The following SCARB2 variants were observed in gnomAD, a reference collection of about 807,000 sequenced individuals.
SCARB2 encodes the protein scavenger receptor class B member 2.
SCARB2 carries 29 observed loss-of-function variants against 58.6 expected under a neutral mutation model. The ratio of observed to expected loss-of-function variants is 0.49; its 90% CI spans 0.37 to 0.67. The LOEUF (loss-of-function observed/expected upper bound fraction) is 0.67, where lower values mean the gene tolerates loss of function less well. SCARB2 is among the 30% of genes least tolerant of loss of function. The probability of loss-of-function intolerance (pLI) is 0.00; values close to 1 mark genes in which losing one functional copy is unlikely to be tolerated. For missense variants in SCARB2, 488 were observed against 578.5 expected, an observed-to-expected ratio of 0.84 and a Z score of 1.60; for synonymous variants, 195 against 210.1, an observed-to-expected ratio of 0.93 and a Z score of 0.62.
chr4:76,161,760 C>T lies in SCARB2; in HGVS notation c.1399-9G>A. The T allele has an allele frequency of 3.1e-6, 5 of 1,614,076 alleles. No individual in the cohort carries two copies. Among genetic ancestry groups the T allele is most frequent in the Admixed American group, 1.7e-5 (1 of 60,020 alleles). Reference sequence around the variant, plus strand: ...CTTTCATCCGCTGTTCCCTGAAACACAGAAGAGAGAAAACAAGTTAGATGT... The same window carrying T: ...CTTTCATCCGCTGTTCCCTGAAACATAGAAGAGAGAAAACAAGTTAGATGT... On this transcript the variant is annotated splice_polypyrimidine_tract_variant and intron_variant, in intron 11 of 11. Transcript: ENST00000264896.
chr4:76,203,976 G>C (rs1206149674), intron 1 of SCARB2, among the ~76,000 whole-genome samples: 1 of 152,228 alleles, frequency 6.6e-6, no homozygotes, highest in Non-Finnish European at 1.5e-5. Context: ...TCAGTAAAGT[G>C]CTACTTCATA....
At chr4:76,170,466 C>T (rs751756585) in intron 7 of SCARB2, among the ~76,000 whole-genome samples, 8 of 152,166 alleles carry the variant, frequency 5.3e-5, no homozygotes, top group East Asian at 1.9e-4. Context: ...GTTTCAACTA[C>T]AATTCTCTAT....
At chr4:76,211,790 C>A (rs1733052684) in intron 1 of SCARB2, among the ~76,000 whole-genome samples, 1 of 152,300 alleles carries the variant, frequency 6.6e-6, no homozygotes, top group East Asian at 1.9e-4. Context: ...CCACACCTGC[C>A]CACTGAAACT....
upstream of SCARB2, chr4:76,214,223 C>T (rs1279196526): frequency 4.4e-6 from 2 of 454,576 alleles, no homozygotes; most frequent in Non-Finnish European, 8.8e-6. Flanking sequence ...ACACCGTTAC[C>T]GCAATTACAA....
Position 76,213,760 on chromosome 4 carries a change from C to G in SCARB2, c.-217G>C, listed in dbSNP as rs1189089079. ...GGATGGGGCCGCGGAGGGACGGGCC[C>G]GGACTCGGTTTCGGTTTCCTTCGCC... On this transcript the variant is annotated 5_prime_UTR_variant, in exon 1 of 12. Transcript: ENST00000264896. 3.8e-5 allele frequency: 17 copies of G among 447,018 alleles called. No homozygotes were observed. The highest frequency in any genetic ancestry group is 7.9e-6 in the Non-Finnish European group (2 of 254,728). The allele number at this position is 447,018 out of a possible 1,614,324, so 27.7% of individuals were successfully genotyped here.
rs9997302 is a variant in SCARB2, at chr4:76,210,223, G to A, written c.117+3204C>T. Among the ~76,000 whole-genome samples the A allele has an allele frequency of 6.5e-3, 989 of 152,058 alleles. 7 individuals carry two copies. The highest frequency in any genetic ancestry group is 0.022 in the African/African-American group (929 of 41,472). On this transcript the variant is annotated intron_variant, in intron 1 of 11. Coordinates refer to ENST00000264896, the MANE Select transcript of SCARB2 (RefSeq NM_005506.4). ...TGAGTTAAGTATTCTTATCCTTATT[G>A]TTCCTATTTTCAAAATGAGGATCCT...
At chr4:76,188,482 T>C (rs1732532637) in intron 2 of SCARB2, among the ~76,000 whole-genome samples, 3 of 149,498 alleles carry the variant, frequency 2.0e-5, no homozygotes, top group Middle Eastern at 3.2e-3. Context: ...AAATCCTGTG[T>C]CAGATGAGTT....
intron 2 of SCARB2, chr4:76,193,705 C>T (rs1010911206): frequency 6.6e-6 from 1 of 152,180 alleles, no homozygotes; most frequent in Non-Finnish European, 1.5e-5. Flanking sequence ...TGCTGATACA[C>T]CCATTGTATC....
chr4:76,200,885 T>C (rs891517767), intron 1 of SCARB2, among the ~76,000 whole-genome samples: 2 of 152,188 alleles, frequency 1.3e-5, no homozygotes, highest in Non-Finnish European at 2.9e-5. Flanking sequence ...GTGACAATAC[T>C]GTATGTAGGC....
chr4:76,225,742 T>C (rs1733386555), intron 1 of SCARB2, among the ~76,000 whole-genome samples: 1 of 152,262 alleles, frequency 6.6e-6, no homozygotes, highest in Non-Finnish European at 1.5e-5. Flanking sequence ...GAAACTCACT[T>C]GATCATGGCA....
intron 1 of SCARB2, among the ~76,000 whole-genome samples, chr4:76,209,431 C>G (rs1732995214): frequency 6.6e-6 from 1 of 151,978 alleles, no homozygotes; most frequent in African/African-American, 2.4e-5. Flanking sequence ...TTCAAGGGAG[C>G]CATCTTGGCT....
At chr4:76,203,931 C>T (rs1172781561) in intron 1 of SCARB2, among the ~76,000 whole-genome samples, 16 of 152,184 alleles carry the variant, frequency 1.1e-4, no homozygotes, top group Admixed American at 9.2e-4. Context: ...AGGAAAGTTT[C>T]GGGATTCGAG....
intron 1 of SCARB2, among the ~76,000 whole-genome samples, chr4:76,220,865 T>C (rs1350002160): frequency 6.6e-6 from 1 of 152,218 alleles, no homozygotes; most frequent in Non-Finnish European, 1.5e-5. Flanking sequence ...CAAGAATGCT[T>C]CCAGGTGCTC....
intron 10 of SCARB2, chr4:76,165,509 T>A (rs1731988633): frequency 6.6e-6 from 1 of 151,916 alleles, no homozygotes; most frequent in African/African-American, 2.4e-5. Context: ...AAAGAGCACA[T>A]GTTTTATAAA....
intron 10 of SCARB2, 77 bp downstream of exon 10, chr4:76,166,173 A>T: frequency 7.3e-7 from 1 of 1,376,540 alleles, no homozygotes; most frequent in Non-Finnish European, 1.0e-6. Context: ...ACTTACATGT[A>T]ACTACAACAG....
At chr4:76,220,556 G>A (rs1733289736) in intron 1 of SCARB2, among the ~76,000 whole-genome samples, 1 of 152,208 alleles carries the variant, frequency 6.6e-6, no homozygotes, top group South Asian at 2.1e-4. Context: ...GAGTCCAGGA[G>A]TTCAAGGCTG....
chr4:76,195,886 A>T, intron 1 of SCARB2, 22 bp from the exon 2 acceptor site: 3 of 1,601,974 alleles, frequency 1.9e-6, no homozygotes, highest in Non-Finnish European at 2.6e-6. Flanking sequence ...CCAAAAGGAG[A>T]TTTACAAAAA....
At chr4:76,176,178 G>A in intron 5 of SCARB2, 1 of 603,084 alleles carries the variant, frequency 1.7e-6, no homozygotes, top group South Asian at 2.0e-5. Flanking sequence ...ATCACTCAAT[G>A]ACTACTAAGC....
intron 1 of SCARB2, among the ~76,000 whole-genome samples, chr4:76,220,570 T>G (rs1733289827): frequency 1.3e-5 from 2 of 152,164 alleles, no homozygotes; most frequent in Admixed American, 6.5e-5. Context: ...AAGGCTGCAG[T>G]GAGCTGATTG....
Sources: allele counts gnomAD v4.1 joint callset (sites outside exome capture counted in the v4.1 genomes callset), GRCh38; gene constraint gnomAD v4.1.1; transcripts MANE v1.5; gene names NCBI Gene and HGNC (gene_info 2026-07-23, HGNC 2026-07-21).